The following KCNQ1 variants were observed in gnomAD, a reference collection of about 807,000 sequenced individuals.
The protein encoded by KCNQ1 is potassium voltage-gated channel subfamily Q member 1, also known as potassium voltage-gated channel subfamily KQT member 1.
KCNQ1 carries 49 observed loss-of-function variants against 72.4 expected under a neutral mutation model. The ratio of observed to expected loss-of-function variants is 0.68; its 90% CI spans 0.54 to 0.86. The LOEUF (loss-of-function observed/expected upper bound fraction) is 0.86. Among genes scored for constraint, KCNQ1 ranks in the 40% least tolerant of loss-of-function variants. The pLI is 0.00. For missense variants in KCNQ1, 790 were observed against 945.1 expected (o/e 0.84, Z 2.15); for synonymous variants, 450 against 412.6 (o/e 1.09, Z -1.10).
At position 2,484,206 on chromosome 11, in the gene KCNQ1, C is replaced by T. The variant is rs117903261; in HGVS notation, c.386+38722C>T. On this transcript the variant is annotated intron_variant, in intron 1 of 15. Coordinates refer to ENST00000155840, the MANE Select transcript of KCNQ1 (RefSeq NM_000218.3). This position sits in a 1 kb window ranked among gnomAD's most constrained non-coding sequence, Gnocchi z 5.2. The stretch of plus-strand genomic sequence containing the variant: ...TTAGAGACGGAGTTTTACTCTTGCA[C>T]AGGCTGGAGTGCAGTGGCATGATCT... Among the ~76,000 whole-genome samples the T allele has an allele frequency of 0.017, 2,629 of 152,296 alleles. 30 individuals carry two copies. The highest frequency in any genetic ancestry group is 0.024 in the Non-Finnish European group (1,649 of 68,026).
chr11:2,740,124 G>C (rs1177130508), intron 11 of KCNQ1, among the ~76,000 whole-genome samples: 4 of 152,302 alleles, frequency 2.6e-5, no homozygotes, highest in Middle Eastern at 3.4e-3. Context: ...GACTCTGGTT[G>C]CTCTCAAACC....
chr11:2,650,605 G>T, intron 10 of KCNQ1: 1 of 398,550 alleles, frequency 2.5e-6, no homozygotes, highest in Admixed American at 4.4e-5. Context: ...CTCCTTAGAG[G>T]TACTTACTCC....
rs1295458180 is a variant in KCNQ1, at chr11:2,621,717, C to G, written c.1393+32863C>G. On this transcript the variant is annotated intron_variant, in intron 10 of 15. Coordinates refer to ENST00000155840, the MANE Select transcript of KCNQ1 (RefSeq NM_000218.3). This position sits in a 1 kb window ranked among gnomAD's most constrained non-coding sequence, Gnocchi z 5.7. ...TATGATCCTTTTTATTTCTGAAGTA[C>G]CTGTTGTAATATATTCTCCATTTTC... 2.5e-6 allele frequency: 1 copy of G among 398,088 alleles called. No homozygotes were observed. The highest frequency in any genetic ancestry group is 4.4e-6 in the Non-Finnish European group (1 of 225,954). The allele number at this position is 398,088 out of a possible 1,614,324, so 24.7% of individuals were successfully genotyped here.
chr11:2,555,491 C>T (rs1048112232), intron 2 of KCNQ1, among the ~76,000 whole-genome samples: 2 of 152,200 alleles, frequency 1.3e-5, no homozygotes, highest in African/African-American at 4.8e-5. Flanking sequence ...GCCTGCCAGG[C>T]GGCTAATGGT....
At position 2,620,219 on chromosome 11, in the gene KCNQ1, T is replaced by TTA. The variant is rs1849145388; in HGVS notation, c.1393+31366_1393+31367insAT. 1.1e-5 allele frequency: 3 copies of TTA among 274,276 alleles called. No individual in the cohort carries two copies. The highest frequency in any genetic ancestry group is 2.3e-5 in the African/African-American group (1 of 43,128). 17.0% of individuals were successfully genotyped at this position (274,276 alleles called of 1,614,324 possible). ...TTCATGTATATATATATATTTTTTT[T>TTA]TTTTATTTTTTTTTTAGACGGAGTT... On this transcript the variant is annotated intron_variant, in intron 10 of 15. Transcript: ENST00000155840. This position sits in a 1 kb window ranked among gnomAD's most constrained non-coding sequence, Gnocchi z 4.5.
At position 2,801,066 on chromosome 11, in the gene KCNQ1, C is replaced by G. The variant is rs558759626; in HGVS notation, c.1794+23029C>G. 3.6e-4 allele frequency among the ~76,000 whole-genome samples: 55 copies of G among 152,288 alleles called. No individual in the cohort carries two copies. The South Asian group carries it at 0.011, about 30-fold the overall frequency. On this transcript the variant is annotated intron_variant, in intron 15 of 15. Coordinates refer to ENST00000155840, the MANE Select transcript of KCNQ1 (RefSeq NM_000218.3). ...AATGGAGGTGGGTGCAGGGCTGGGG[C>G]AGGGCCAGGCAGTGGCTCCTGGGGT... is the stretch of plus-strand genomic sequence containing the variant.
rs912225626 is a variant in KCNQ1 at position 2,572,182 on chromosome 11, G to C, written c.780+73G>C. The C allele has an allele frequency of 2.5e-6, 3 of 1,192,922 alleles. No homozygotes were observed. In the African/African-American group the frequency reaches 4.5e-5, roughly 18 times the overall value. The allele number at this position is 1,192,922 out of a possible 1,614,324, so 73.9% of individuals were successfully genotyped here. Reference sequence around the variant, plus strand: ...GGAGGGAGCAGAGCAGCCCACACTAGGACAGCTTGAGATGCGCTGAGGCCC... The same window carrying C: ...GGAGGGAGCAGAGCAGCCCACACTACGACAGCTTGAGATGCGCTGAGGCCC... On this transcript the variant is annotated intron_variant, in intron 5 of 15. Coordinates refer to ENST00000155840, the MANE Select transcript of KCNQ1 (RefSeq NM_000218.3).
At chr11:2,631,281 CT>C (rs1439165156) in intron 10 of KCNQ1, 1 of 398,336 alleles carries the variant, frequency 2.5e-6, no homozygotes, top group African/African-American at 2.1e-5. Flanking sequence ...CCTTTTCATT[CT>C]TTATTTTTCT....
rs1425215832 is a variant in KCNQ1 at position 2,724,997 on chromosome 11, C to T, written c.1515-43847C>T. ...GCCACTGGATTGGAACTTGGTGTGC[C>T]ACCAGGGTCCCTGTCCGTTTAAGAA... On this transcript the variant is annotated intron_variant, in intron 11 of 15. Transcript: ENST00000155840. The surrounding 1 kb of genome is among the most constrained non-coding windows in gnomAD (Gnocchi z 6.8). 6.6e-6 allele frequency among the ~76,000 whole-genome samples: 1 copy of T among 152,056 alleles called. No homozygotes were observed. Among genetic ancestry groups the T allele is most frequent in the Admixed American group, 6.5e-5 (1 of 15,274 alleles).
At chr11:2,689,062 C>G (rs1483793171) in intron 11 of KCNQ1, 4 of 398,780 alleles carry the variant, frequency 1.0e-5, no homozygotes, top group Non-Finnish European at 1.8e-5. Context: ...TTACCTCCTC[C>G]TCCCCGGTGG....
Position 2,475,764 on chromosome 11 carries a change from A to G in KCNQ1, c.386+30280A>G, listed in dbSNP as rs1410625157. Among the ~76,000 whole-genome samples the G allele has an allele frequency of 2.0e-5, 3 of 152,174 alleles. No individual in the cohort carries two copies. The highest frequency in any genetic ancestry group is 7.2e-5 in the African/African-American group (3 of 41,438). ...GTCTTTCCTGTGCTGTTCTCGTAATAGTGAATACGTCTCATAAGATCTGAT... is the reference window on the plus strand; with the variant it reads ...GTCTTTCCTGTGCTGTTCTCGTAATGGTGAATACGTCTCATAAGATCTGAT... On this transcript the variant is annotated intron_variant, in intron 1 of 15. Coordinates refer to ENST00000155840, the MANE Select transcript of KCNQ1 (RefSeq NM_000218.3). The surrounding 1 kb of genome is among the most constrained non-coding windows in gnomAD (Gnocchi z 5.8).
rs1847910151 is a variant in KCNQ1, at chr11:2,547,007, T to C, written c.477+18989T>C. 1.3e-5 allele frequency among the ~76,000 whole-genome samples: 2 copies of C among 152,274 alleles called. No homozygotes were observed. Among genetic ancestry groups the C allele is most frequent in the African/African-American group, 4.8e-5 (2 of 41,468 alleles). The stretch of plus-strand genomic sequence containing the variant: ...TGTCTTTAGACTCAAAACTTGTTTT[T>C]CATATGAAGCATATAGTTGAGTCTT... On this transcript the variant is annotated intron_variant, in intron 2 of 15. Coordinates refer to ENST00000155840, the MANE Select transcript of KCNQ1 (RefSeq NM_000218.3). The surrounding 1 kb of genome is among the most constrained non-coding windows in gnomAD (Gnocchi z 4.2).
chr11:2,614,856 G>T (rs1237407150), intron 10 of KCNQ1: 1 of 398,322 alleles, frequency 2.5e-6, no homozygotes, highest in Non-Finnish European at 4.4e-6. Context: ...TTTTCAATAT[G>T]ATTTTAGATT....
intron 11 of KCNQ1, among the ~76,000 whole-genome samples, chr11:2,718,037 T>C (rs149482873): frequency 5.9e-5 from 9 of 152,316 alleles, no homozygotes; most frequent in Non-Finnish European, 1.0e-4. Context: ...TGTTGATGGG[T>C]GTAGTCTCAG....
intron 4 of KCNQ1, 59 bp from the exon 5 acceptor site, chr11:2,571,954 C>T (rs892399793): frequency 2.9e-5 from 42 of 1,458,084 alleles, no homozygotes; most frequent in Non-Finnish European, 3.9e-5. Flanking sequence ...AGCCCTAGGC[C>T]CGGCGTGAAC....
intron 1 of KCNQ1, among the ~76,000 whole-genome samples, chr11:2,513,310 A>G (rs1847240002): frequency 6.6e-6 from 1 of 152,176 alleles, no homozygotes; most frequent in Admixed American, 6.5e-5. Context: ...TCTAAGTGTC[A>G]GTTCTGGACT....
rs546210531 is a variant in KCNQ1, at chr11:2,715,692, A to C, written c.1515-53152A>C. Among the ~76,000 whole-genome samples the C allele has an allele frequency of 6.6e-6, 1 of 152,304 alleles. No individual in the cohort carries two copies. The highest frequency in any genetic ancestry group is 1.9e-4 in the East Asian group (1 of 5,176). ...ACCTCTTGGGGGAAGGGGAACCAGCAAAGGGGGTATGGGGAGCCCTCTGGG... is the reference window on the plus strand; with the variant it reads ...ACCTCTTGGGGGAAGGGGAACCAGCCAAGGGGGTATGGGGAGCCCTCTGGG... On this transcript the variant is annotated intron_variant, in intron 11 of 15. Coordinates refer to ENST00000155840, the MANE Select transcript of KCNQ1 (RefSeq NM_000218.3). This position sits in a 1 kb window ranked among gnomAD's most constrained non-coding sequence, Gnocchi z 4.9.
chr11:2,582,388 T>C lies in KCNQ1; in HGVS notation c.922-1047T>C, dbSNP rs146146932. On this transcript the variant is annotated intron_variant, in intron 6 of 15. Coordinates refer to ENST00000155840, the MANE Select transcript of KCNQ1 (RefSeq NM_000218.3). ...GGTTTGTTCTTGCCTTCCATCAGAG[T>C]GTGTTAAACAGGCCTCAGGCCTTCC... is the stretch of plus-strand genomic sequence containing the variant. 6.4e-4 allele frequency among the ~76,000 whole-genome samples: 98 copies of C among 151,948 alleles called. 1 individual carries two copies. In the East Asian group the frequency reaches 0.018, roughly 27 times the overall value.
chr11:2,798,227 G>C (rs555422700), intron 15 of KCNQ1, among the ~76,000 whole-genome samples: 4 of 152,148 alleles, frequency 2.6e-5, no homozygotes, highest in Non-Finnish European at 5.9e-5. Flanking sequence ...GGGCTGGACC[G>C]TCCACGCCCT....
Sources: gnomAD v4.1 joint callset for allele counts (sites outside exome capture counted in the v4.1 genomes callset) on GRCh38, gnomAD v4.1.1 for gene constraint, Gnocchi (gnomAD v3.1) non-coding constraint, MANE v1.5 for transcripts, NCBI Gene and HGNC (gene_info 2026-07-23, HGNC 2026-07-21) for gene names.